The following PLEKHA6 variants were observed in gnomAD, a reference collection of about 807,000 sequenced individuals.
PLEKHA6 encodes pleckstrin homology domain-containing family A member 6.
A neutral mutation model predicts 116.7 loss-of-function variants in PLEKHA6; 60 were observed. That is an observed-to-expected ratio of 0.51 (90% CI 0.42 to 0.64). PLEKHA6 has a LOEUF of 0.64. PLEKHA6 is among the 30% of genes least tolerant of loss of function. The pLI, the probability that PLEKHA6 is intolerant of heterozygous loss-of-function variation, is 0.00. For missense variants in PLEKHA6, 1,338 were observed against 1,422.7 expected (o/e 0.94, Z 0.96); for synonymous variants, 489 against 556.1 (o/e 0.88, Z 1.70).
intron 5 of PLEKHA6, among the ~76,000 whole-genome samples, chr1:204,266,916 AGGGTGTTG>A (rs1666896856): frequency 6.6e-6 from 1 of 152,036 alleles, no homozygotes; most frequent in Non-Finnish European, 1.5e-5. Flanking sequence ...GAGTAGGGAG[AGGGTGTTG>A]GGGTCAGCAG....
At chr1:204,232,109 T>C (rs1489665427) in intron 17 of PLEKHA6, among the ~76,000 whole-genome samples, 1 of 152,156 alleles carries the variant, frequency 6.6e-6, no homozygotes, top group Non-Finnish European at 1.5e-5. Context: ...ATCTTTATTA[T>C]AAAGTGGCAG....
chr1:204,326,420 A>G (rs1672246414), intron 1 of PLEKHA6, among the ~76,000 whole-genome samples: 1 of 152,160 alleles, frequency 6.6e-6, no homozygotes, highest in Non-Finnish European at 1.5e-5. Context: ...TCAGAACCCA[A>G]AAAGGGCCAT....
chr1:204,360,079 C>T (rs559761754), upstream of PLEKHA6, among the ~76,000 whole-genome samples: 2 of 152,240 alleles, frequency 1.3e-5, no homozygotes, highest in Non-Finnish European at 2.9e-5. Context: ...TAACCATCCA[C>T]GCAGCCTGCC....
chr1:204,291,464 G>A (rs999480258), intron 1 of PLEKHA6, among the ~76,000 whole-genome samples: 2 of 152,132 alleles, frequency 1.3e-5, no homozygotes, highest in Non-Finnish European at 2.9e-5. Flanking sequence ...TCCACACAAC[G>A]ACTTGTAGAC....
In PLEKHA6 at chr1:204,301,363, A is replaced by C. The variant is rs1670797494; in HGVS notation, c.-94-26554T>G. On this transcript the variant is annotated intron_variant, in intron 1 of 22. Coordinates refer to ENST00000272203, the MANE Select transcript of PLEKHA6 (RefSeq NM_014935.5). ...AATGCATGTTGGCATGGGACAGGGG[A>C]GAGGATTCAAAGAACAGCTCATCAG... 11 of 969,078 alleles carry C rather than the reference A, an allele frequency of 1.1e-5. No homozygotes were observed. The South Asian group carries it at 5.3e-4, about 46-fold the overall frequency. The allele number at this position is 969,078 out of a possible 1,614,324, so 60.0% of individuals were successfully genotyped here.
chr1:204,290,709 G>T (rs1037961217), intron 1 of PLEKHA6, among the ~76,000 whole-genome samples: 2 of 152,126 alleles, frequency 1.3e-5, no homozygotes, highest in Admixed American at 1.3e-4. Context: ...ACTATTACAG[G>T]CCAGGCGCAG....
chr1:204,331,583 T>C (rs1221045824), intron 1 of PLEKHA6, among the ~76,000 whole-genome samples: 1 of 152,150 alleles, frequency 6.6e-6, no homozygotes, highest in Non-Finnish European at 1.5e-5. Context: ...AGGGACACGA[T>C]GAATATTCAG....
chr1:204,285,207 T>C (rs1187282959), intron 1 of PLEKHA6, among the ~76,000 whole-genome samples: 4 of 152,214 alleles, frequency 2.6e-5, no homozygotes, highest in African/African-American at 7.2e-5. Context: ...CTTCCAGTTC[T>C]AATAGTTTTG....
chr1:204,270,811 G>A (rs1264846767), intron 3 of PLEKHA6, among the ~76,000 whole-genome samples: 1 of 152,188 alleles, frequency 6.6e-6, no homozygotes, highest in Non-Finnish European at 1.5e-5. Flanking sequence ...GATATGGCAG[G>A]GCCTGTCACC....
At chr1:204,356,684 T>C (rs1329037361) in intron 1 of PLEKHA6, among the ~76,000 whole-genome samples, 1 of 152,144 alleles carries the variant, frequency 6.6e-6, no homozygotes, top group Non-Finnish European at 1.5e-5. Context: ...ATTTTAATGA[T>C]ATATATGTAT....
At chr1:204,244,742 G>C (rs1558049430) in intron 15 of PLEKHA6, 122 bp downstream of exon 15, 2 of 682,294 alleles carry the variant, frequency 2.9e-6, no homozygotes, top group Non-Finnish European at 4.6e-6. Context: ...TAAACAAAGA[G>C]CTCCAGCACT....
chr1:204,257,335 G>C lies in PLEKHA6; in HGVS notation c.1524+18C>G. 1 of 1,555,954 alleles carries C rather than the reference G, an allele frequency of 6.4e-7. No homozygotes were observed. Among genetic ancestry groups the C allele is most frequent in the East Asian group, 2.4e-5 (1 of 41,528 alleles). ...GGACCTCAGGGGATGAGGAAGGAAGGGCAGGCTGGTGGCTCACCTTGGGGG... is the reference window on the plus strand; with the variant it reads ...GGACCTCAGGGGATGAGGAAGGAAGCGCAGGCTGGTGGCTCACCTTGGGGG... On this transcript the variant is annotated intron_variant, in intron 9 of 22. Transcript: ENST00000272203. This position sits in a 1 kb window ranked among gnomAD's most constrained non-coding sequence, Gnocchi z 6.5.
At chr1:204,365,992 G>A (rs1216411260) in intron 3 of PLEKHA6, among the ~76,000 whole-genome samples, 1 of 152,184 alleles carries the variant, frequency 6.6e-6, no homozygotes, top group Non-Finnish European at 1.5e-5. Context: ...GTGCTCCCAG[G>A]CAGGGGGAAC....
Position 204,248,831 on chromosome 1 carries a change from T to G in PLEKHA6, c.1814A>C (p.Gln605Pro). Reference sequence around the variant, plus strand: ...CGCTCCCTGGGTTACCGTGGTCGCCTGAGACAGCTCCACGCGGATGTTGAT... The same window carrying G: ...CGCTCCCTGGGTTACCGTGGTCGCCGGAGACAGCTCCACGCGGATGTTGAT... ...QLINIRVELS[Q>P]ATTALTNSTI... The change falls in exon 12 of 23, where the codon CAG becomes CCG. Residue 605 changes from glutamine (Q) to proline (P), a missense_variant. Gln to Pro is a moderately conservative substitution (Grantham distance 76). Around this residue, in one of 3 missense-constraint regions of PLEKHA6, gnomAD observed 1,136 missense variants for 1,163.6 expected, o/e 0.98. Transcript: ENST00000272203. 1 of 1,613,864 alleles carries G rather than the reference T, an allele frequency of 6.2e-7. No individual in the cohort carries two copies. The highest frequency in any genetic ancestry group is 8.5e-7 in the Non-Finnish European group (1 of 1,179,978).
At chr1:204,365,971 A>G (rs2103403079) in intron 3 of PLEKHA6, among the ~76,000 whole-genome samples, 1 of 152,298 alleles carries the variant, frequency 6.6e-6, no homozygotes, top group African/African-American at 2.4e-5. Context: ...GTGTGTGGAA[A>G]TGGGAGGACA....
At chr1:204,282,556 G>A in intron 1 of PLEKHA6, 2 of 740,690 alleles carry the variant, frequency 2.7e-6, no homozygotes, top group Non-Finnish European at 3.3e-6. Context: ...GCACCACAGG[G>A]CCCTCCAAGA....
chr1:204,287,351 C>T (rs928271016), intron 1 of PLEKHA6, among the ~76,000 whole-genome samples: 29 of 151,924 alleles, frequency 1.9e-4, no homozygotes, highest in African/African-American at 6.3e-4. Context: ...TTCTTGTCCA[C>T]ACCCCCTCCA....
intron 12 of PLEKHA6, among the ~76,000 whole-genome samples, chr1:204,247,953 T>TAA (rs10667581): frequency 0.66 from 97,603 of 148,190 alleles, 31,999 homozygotes; most frequent in East Asian, 0.82. Flanking sequence ...ACCCTGTTCT[T>TAA]AAAAAAAAAA....
At chr1:204,245,800 C>T in intron 13 of PLEKHA6, 74 bp from the exon 14 acceptor site, 2 of 1,048,866 alleles carry the variant, frequency 1.9e-6, no homozygotes, top group Non-Finnish European at 2.9e-6. Context: ...GCCCAGACCC[C>T]TTGGAACCCA....
Sources: allele counts gnomAD v4.1 joint callset (sites outside exome capture counted in the v4.1 genomes callset), GRCh38; gene constraint gnomAD v4.1.1; regional missense constraint gnomAD v4.1.1; non-coding constraint Gnocchi (gnomAD v3.1); transcripts MANE v1.5; gene names NCBI Gene and HGNC (gene_info 2026-07-23, HGNC 2026-07-21).